The following GPALPP1 variants were observed in gnomAD, a reference collection of about 807,000 sequenced individuals.
GPALPP1 encodes GPALPP motifs containing 1.
Under a neutral mutation model 38.9 loss-of-function variants are expected in GPALPP1, and 30 were observed. That is an observed-to-expected ratio of 0.77 (90% CI 0.58 to 1.05). The LOEUF (loss-of-function observed/expected upper bound fraction) is 1.05, where lower values mean the gene tolerates loss of function less well. Among genes scored for constraint, GPALPP1 ranks in the 50% least tolerant of loss-of-function variants. The pLI is 0.00. For synonymous variants in GPALPP1, 120 were observed against 139.2 expected (o/e 0.86, Z 0.97); for missense variants, 384 against 408.8 (o/e 0.94, Z 0.52).
At chr13:45,031,423 A>AT (rs1161446957), downstream of GPALPP1, 1 of 152,144 alleles carries the variant, frequency 6.6e-6, no homozygotes. Context: ...AGAAATTTGC[A>AT]TTTTTTAAAG....
chr13:45,004,280 A>G (rs1413379454), intron 1 of GPALPP1, 25 bp from the exon 2 acceptor site: 1 of 1,603,144 alleles, frequency 6.2e-7, no homozygotes, highest in East Asian at 2.2e-5. Context: ...GTGGCTAGTG[A>G]TGACAAACAA....
In GPALPP1 at chr13:45,006,298, T is replaced by C; in HGVS notation, c.318T>C (p.Pro106=). ...GATTTAAAAAGCAGGATGATTCTCC[T>C]CCAAGGTGATAATGTGTAATATTTT... ...PPGFKKQDDS[P]PRPIIGPALP... is the part of the protein sequence containing the mutation. Residue 106 remains proline (P), a synonymous_variant, in exon 3 of 8, where the codon CCT becomes CCC. Coordinates refer to ENST00000379151, the MANE Select transcript of GPALPP1 (RefSeq NM_018559.5). 5 of 1,531,684 alleles carry C rather than the reference T, an allele frequency of 3.3e-6. 1 individual carries two copies. Among genetic ancestry groups the C allele is most frequent in the Non-Finnish European group, 4.5e-6 (5 of 1,107,824 alleles). 94.9% of individuals were successfully genotyped at this position (1,531,684 alleles called of 1,614,324 possible).
At chr13:45,019,338 G>A (rs1306949675) in intron 6 of GPALPP1, among the ~76,000 whole-genome samples, 1 of 151,550 alleles carries the variant, frequency 6.6e-6, no homozygotes, top group African/African-American at 2.4e-5. Context: ...AGTAGAGACA[G>A]GGTTTCACCA....
intron 4 of GPALPP1, among the ~76,000 whole-genome samples, chr13:45,010,721 A>G (rs1457129636): frequency 6.6e-6 from 1 of 152,240 alleles, no homozygotes; most frequent in Non-Finnish European, 1.5e-5. Context: ...GCAGTGGTTC[A>G]TGCCTGTAAT....
intron 6 of GPALPP1, among the ~76,000 whole-genome samples, chr13:45,018,450 A>G (rs571107253): frequency 6.6e-6 from 1 of 152,248 alleles, no homozygotes; most frequent in Non-Finnish European, 1.5e-5. Context: ...TTTTACATAC[A>G]TTAATTGAAT....
At chr13:45,005,912 G>A (rs924588761) in intron 2 of GPALPP1, among the ~76,000 whole-genome samples, 17 of 152,008 alleles carry the variant, frequency 1.1e-4, no homozygotes, top group Non-Finnish European at 1.0e-4. Flanking sequence ...TGTAATCCCA[G>A]CTACTTGGGA....
intron 6 of GPALPP1, among the ~76,000 whole-genome samples, chr13:45,019,010 TATATATAC>T (rs1566081906): frequency 1.7e-3 from 103 of 61,222 alleles, no homozygotes; most frequent in East Asian, 4.1e-3. Flanking sequence ...TACATATAAA[TATATATAC>T]ACATATAAAT....
intron 7 of GPALPP1, among the ~76,000 whole-genome samples, chr13:45,022,237 A>T (rs1201224991): frequency 6.6e-6 from 1 of 152,186 alleles, no homozygotes; most frequent in Non-Finnish European, 1.5e-5. Context: ...GCTGTACAAT[A>T]AGCAAAATGC....
chr13:45,017,536 C>T (rs1874965021), intron 6 of GPALPP1, among the ~76,000 whole-genome samples: 1 of 152,112 alleles, frequency 6.6e-6, no homozygotes, highest in Non-Finnish European at 1.5e-5. Flanking sequence ...AGATTGTCTC[C>T]AAAAAGACAA....
chr13:45,034,993 GTC>G, downstream of GPALPP1: 1 of 128,070 alleles, frequency 7.8e-6, no homozygotes, highest in South Asian at 2.5e-4. Context: ...GTCTGGCTCT[GTC>G]TCTCAGGCTG....
rs567256098 is a variant in GPALPP1 at position 45,009,061 on chromosome 13, G to C, written c.408+182G>C. 17 of 679,054 alleles carry C rather than the reference G, an allele frequency of 2.5e-5. No homozygotes were observed. The South Asian group carries it at 2.6e-4, about 10-fold the overall frequency. The allele number at this position is 679,054 out of a possible 1,614,324, so 42.1% of individuals were successfully genotyped here. On this transcript the variant is annotated intron_variant, in intron 4 of 7. Transcript: ENST00000379151. ...GTAACATAAGTAGATGAAATAAAAA[G>C]CTGTTCACAAACCTGAGATTCTGTT...
Position 45,027,954 on chromosome 13 carries a change from G to A in GPALPP1, c.974G>A (p.Arg325Lys). Residue 325 changes from arginine (R) to lysine (K), a missense_variant, in exon 8 of 8, where the codon AGA becomes AAA. Physicochemically the swap from Arg to Lys is conservative, Grantham distance 26. Transcript: ENST00000379151. ...AQKKALIKKS[R>K]ELNTRFSHGK... ...AAAAAAGCCCTAATAAAAAAATCTA[G>A]AGAACTAAACACCAGATTTTCACAC... The A allele has an allele frequency of 1.9e-6, 3 of 1,611,356 alleles. No homozygotes were observed. The highest frequency in any genetic ancestry group is 1.7e-6 in the Non-Finnish European group (2 of 1,177,786).
downstream of GPALPP1, chr13:45,030,785 T>A (rs1159792125): frequency 3.3e-5 from 5 of 152,316 alleles, no homozygotes; most frequent in East Asian, 7.7e-4. Flanking sequence ...TTATTCTTCC[T>A]CTAATAATAG....
intron 2 of GPALPP1, among the ~76,000 whole-genome samples, 157 bp from the exon 3 acceptor site, chr13:45,006,045 A>C (rs533199571): frequency 6.9e-6 from 1 of 144,138 alleles, no homozygotes; most frequent in African/African-American, 2.5e-5. Context: ...AAAAAAAAAA[A>C]GAACTATCGT....
chr13:45,025,834 T>A (rs527568427), intron 7 of GPALPP1, among the ~76,000 whole-genome samples: 1 of 152,144 alleles, frequency 6.6e-6, no homozygotes, highest in South Asian at 2.1e-4. Context: ...TGCAATGGCA[T>A]GATCTTGGCT....
At chr13:44,997,790 C>T (rs1158001816) in intron 1 of GPALPP1, among the ~76,000 whole-genome samples, 4 of 152,182 alleles carry the variant, frequency 2.6e-5, no homozygotes, top group African/African-American at 9.7e-5. Flanking sequence ...TGCTGGTGCT[C>T]TCAACTGCTT....
intron 5 of GPALPP1, 148 bp downstream of exon 5, chr13:45,015,231 A>T: frequency 1.6e-6 from 1 of 627,850 alleles, no homozygotes. Context: ...CAGAAACTCT[A>T]AAAGAAAAAT....
At chr13:45,007,822 A>G (rs1262277597) in intron 3 of GPALPP1, among the ~76,000 whole-genome samples, 1 of 152,198 alleles carries the variant, frequency 6.6e-6, no homozygotes, top group Non-Finnish European at 1.5e-5. Flanking sequence ...TGGAAAAAAC[A>G]TTTGTACAAA....
chr13:45,024,493 T>C (rs896245664), intron 7 of GPALPP1, among the ~76,000 whole-genome samples: 2 of 151,694 alleles, frequency 1.3e-5, no homozygotes, highest in African/African-American at 4.8e-5. Flanking sequence ...GAGATGGGGT[T>C]TCACTGTGTT....
Sources: gnomAD v4.1 joint callset for allele counts (sites outside exome capture counted in the v4.1 genomes callset) on GRCh38, gnomAD v4.1.1 for gene constraint, MANE v1.5 for transcripts, NCBI Gene and HGNC (gene_info 2026-07-23, HGNC 2026-07-21) for gene names.